TENM4: variants seen among roughly 807,000 people sequenced by gnomAD.
TENM4 encodes the protein teneurin-4.
In TENM4, 82 loss-of-function variants were observed where a neutral mutation model predicts 243.3. That is an observed-to-expected ratio of 0.34 (90% CI 0.28 to 0.40). TENM4 has a LOEUF of 0.40. Among genes scored for constraint, TENM4 ranks in the 10% least tolerant of loss-of-function variants. TENM4 has a pLI of 1.00. For synonymous variants in TENM4, 1,412 were observed against 1,456.3 expected, an observed-to-expected ratio of 0.97 and a Z score of 0.69; for missense variants, 3,138 against 3,673.3, an observed-to-expected ratio of 0.85 and a Z score of 3.77.
intron 6 of TENM4, among the ~76,000 whole-genome samples, chr11:79,008,815 G>A (rs576264815): frequency 6.6e-6 from 1 of 152,276 alleles, no homozygotes; most frequent in African/African-American, 2.4e-5. Context: ...ATATTTTAAA[G>A]TGTCCTGTTA....
chr11:79,353,550 A>T (rs1297036495), intron 1 of TENM4, among the ~76,000 whole-genome samples: 1 of 152,214 alleles, frequency 6.6e-6, no homozygotes. Context: ...CCATCCTAGA[A>T]GTGTGACGAT....
At chr11:78,733,721 T>C (rs1332031333) in intron 20 of TENM4, among the ~76,000 whole-genome samples, 1 of 152,192 alleles carries the variant, frequency 6.6e-6, no homozygotes, top group Non-Finnish European at 1.5e-5. Context: ...ACATGGAACC[T>C]GATTTGAGGG....
chr11:78,709,873 G>A (rs1022998529), intron 26 of TENM4, among the ~76,000 whole-genome samples: 1 of 152,212 alleles, frequency 6.6e-6, no homozygotes, highest in African/African-American at 2.4e-5. Context: ...GTACATGGGT[G>A]ATAGTAATTT....
intron 3 of TENM4, among the ~76,000 whole-genome samples, chr11:79,188,344 G>T (rs994843573): frequency 6.6e-6 from 1 of 152,170 alleles, no homozygotes; most frequent in Non-Finnish European, 1.5e-5. Context: ...CACATTCATG[G>T]CCATGAATCC....
At chr11:79,140,337 G>C (rs1862264009) in intron 4 of TENM4, among the ~76,000 whole-genome samples, 1 of 152,078 alleles carries the variant, frequency 6.6e-6, no homozygotes, top group African/African-American at 2.4e-5. Context: ...CCAAGGTTGG[G>C]CTAAATGCCC....
intron 19 of TENM4, among the ~76,000 whole-genome samples, chr11:78,747,867 C>G (rs1320257089): frequency 1.3e-5 from 2 of 152,234 alleles, no homozygotes; most frequent in African/African-American, 2.4e-5. Flanking sequence ...GATTTACAAA[C>G]AGCAGAATTA....
At chr11:79,194,591 C>T (rs1449848369) in intron 3 of TENM4, among the ~76,000 whole-genome samples, 1 of 152,064 alleles carries the variant, frequency 6.6e-6, no homozygotes, top group Admixed American at 6.5e-5. Context: ...ATCATATTGC[C>T]CCTGCCCTAG....
chr11:78,955,512 T>C (rs1478857795), intron 6 of TENM4, among the ~76,000 whole-genome samples: 1 of 152,204 alleles, frequency 6.6e-6, no homozygotes, highest in East Asian at 1.9e-4. Flanking sequence ...GACACATAGC[T>C]AATGTGCCTT....
intron 1 of TENM4, among the ~76,000 whole-genome samples, chr11:79,337,875 C>A (rs1857173669): frequency 1.3e-5 from 2 of 152,208 alleles, no homozygotes; most frequent in South Asian, 4.1e-4. Flanking sequence ...ACTCTGCAGA[C>A]AAGGAACCTG....
intron 23 of TENM4, among the ~76,000 whole-genome samples, chr11:78,723,552 C>G (rs1855448647): frequency 6.6e-6 from 1 of 152,250 alleles, no homozygotes; most frequent in Admixed American, 6.5e-5. Context: ...CTGATCCCAG[C>G]TCCTGTATAG....
At chr11:78,918,459 A>G (rs1172747970) in intron 6 of TENM4, among the ~76,000 whole-genome samples, 2 of 152,194 alleles carry the variant, frequency 1.3e-5, no homozygotes, top group Admixed American at 1.3e-4. Flanking sequence ...TTAAAAAAAA[A>G]AAAAAGGGAC....
intron 25 of TENM4, among the ~76,000 whole-genome samples, chr11:78,713,128 A>G (rs1028463838): frequency 6.6e-6 from 1 of 152,188 alleles, no homozygotes; most frequent in Non-Finnish European, 1.5e-5. Flanking sequence ...AAACACTTCA[A>G]GAGTTCAAAA....
At chr11:79,050,679 T>C (rs1859769518) in intron 6 of TENM4, among the ~76,000 whole-genome samples, 1 of 152,232 alleles carries the variant, frequency 6.6e-6, no homozygotes, top group African/African-American at 2.4e-5. Flanking sequence ...AGCAATTTGT[T>C]TTGTAGTTTA....
chr11:78,761,168 T>C (rs1182352982), intron 18 of TENM4, among the ~76,000 whole-genome samples: 2 of 152,198 alleles, frequency 1.3e-5, no homozygotes, highest in African/African-American at 4.8e-5. Context: ...TTCTGTTAAT[T>C]CTCGGAAGGC....
At chr11:78,731,798 G>A (rs751441491) in intron 21 of TENM4, among the ~76,000 whole-genome samples, 4 of 152,182 alleles carry the variant, frequency 2.6e-5, no homozygotes, top group Non-Finnish European at 4.4e-5. Flanking sequence ...TGAAGGCAGC[G>A]TGTGTTAAAT....
At chr11:78,880,055 C>A (rs970537081) in intron 9 of TENM4, among the ~76,000 whole-genome samples, 2 of 152,086 alleles carry the variant, frequency 1.3e-5, no homozygotes, top group Admixed American at 6.5e-5. Flanking sequence ...CAGATTGTTA[C>A]TGTGTCTGTG....
At chr11:78,980,427 G>C (rs1335939302) in intron 6 of TENM4, among the ~76,000 whole-genome samples, 1 of 152,186 alleles carries the variant, frequency 6.6e-6, no homozygotes, top group Non-Finnish European at 1.5e-5. Context: ...ATTCCACTCT[G>C]AACTCCTAAT....
chr11:78,994,858 T>C (rs938431365), intron 6 of TENM4, among the ~76,000 whole-genome samples: 1 of 152,236 alleles, frequency 6.6e-6, no homozygotes, highest in Non-Finnish European at 1.5e-5. Context: ...TGTTCTGATC[T>C]GTGTTCATTT....
chr11:78,872,749 A>G (rs991628894), intron 9 of TENM4, among the ~76,000 whole-genome samples: 1 of 152,232 alleles, frequency 6.6e-6, no homozygotes, highest in Non-Finnish European at 1.5e-5. Context: ...TTCCATAGCT[A>G]CAAGAAAATG....
Sources: gnomAD v4.1 joint callset for allele counts (sites outside exome capture counted in the v4.1 genomes callset) on GRCh38, gnomAD v4.1.1 for gene constraint, MANE v1.5 for transcripts, NCBI Gene and HGNC (gene_info 2026-07-23, HGNC 2026-07-21) for gene names.